FASN: variants seen among roughly 807,000 people sequenced by gnomAD.
FASN encodes 3-hydroxyacyl-[acyl-carrier-protein] dehydratase.
Under a neutral mutation model 250.0 loss-of-function variants are expected in FASN, and 50 were observed. The observed-to-expected ratio is 0.20, with a 90% CI of 0.16 to 0.25. The LOEUF is 0.25. FASN is among the 10% of genes least tolerant of loss of function. The pLI is 1.00. For missense variants in FASN, 3,031 were observed against 3,498.5 expected, an observed-to-expected ratio of 0.87 and a Z score of 3.37; for synonymous variants, 1,909 against 1,584.0, an observed-to-expected ratio of 1.21 and a Z score of -4.87.
At position 82,087,838 on chromosome 17, in the gene FASN, G is replaced by C. The variant is rs201124833; in HGVS notation, c.2890C>G (p.Pro964Ala). Residue 964 changes from proline (P) to alanine (A), a missense_variant, in exon 19 of 43, where the codon CCT becomes GCT. Pro to Ala is a conservative substitution (Grantham distance 27). Coordinates refer to ENST00000306749, the MANE Select transcript of FASN (RefSeq NM_004104.5). ...VSGKVYQWDD[P>A]DPRLFDHPES... is the part of the protein sequence containing the mutation. ...GGGTGGTCGAAGAGCCTGGGGTCAG[G>C]GTCATCCCACTGGTACACCTTCCCT... is the stretch of plus-strand genomic sequence containing the variant. 1.2e-6 allele frequency: 2 copies of C among 1,612,664 alleles called. No homozygotes were observed. Among genetic ancestry groups the C allele is most frequent in the East Asian group, 4.5e-5 (2 of 44,874 alleles).
chr17:82,079,450 G>A lies in FASN; in HGVS notation c.7305C>T (p.Pro2435=). ...TCACGTTGCCATGGTACTTGGCCTTGGGTGTGTACTGCTCAGCGGCACGCA... is the reference window on the plus strand; with the variant it reads ...TCACGTTGCCATGGTACTTGGCCTTAGGTGTGTACTGCTCAGCGGCACGCA... ...YKLRAAEQYT[P]KAKYHGNVML... Residue 2435 remains proline, a synonymous_variant, in exon 42 of 43, where the codon CCC becomes CCT. Coordinates refer to ENST00000306749, the MANE Select transcript of FASN (RefSeq NM_004104.5). 1 of 1,613,006 alleles carries A rather than the reference G, an allele frequency of 6.2e-7. No homozygotes were observed.
rs1411622557 is a variant in FASN at position 82,088,371 on chromosome 17, C to G, written c.2593+19G>C. 7 of 1,611,674 alleles carry G rather than the reference C, an allele frequency of 4.3e-6. No homozygotes were observed. In the South Asian group the frequency reaches 7.7e-5, roughly 18 times the overall value. Reference sequence around the variant, plus strand: ...TGTGGGGAGGGAAGAGTCTGCCCACCCGCCGGGCCCCTGCTCACCGATGTT... The same window carrying G: ...TGTGGGGAGGGAAGAGTCTGCCCACGCGCCGGGCCCCTGCTCACCGATGTT... On this transcript the variant is annotated intron_variant, in intron 16 of 42. Coordinates refer to ENST00000306749, the MANE Select transcript of FASN (RefSeq NM_004104.5).
At chr17:82,086,218 C>A (rs931295790) in intron 22 of FASN, 36 bp downstream of exon 22, 3 of 1,538,918 alleles carry the variant, frequency 1.9e-6, no homozygotes, top group South Asian at 1.2e-5. Flanking sequence ...CCTACCATGT[C>A]CGGGGCAGAG....
rs565758653 is a variant in FASN, at chr17:82,087,042, G to A, written c.3427+8C>T. Reference sequence around the variant, plus strand: ...AGGTGTCCGAAGCCAGCAGGGCTGGGACCTCACCCTTGCACAGTTGCAGCT... The same window carrying A: ...AGGTGTCCGAAGCCAGCAGGGCTGGAACCTCACCCTTGCACAGTTGCAGCT... On this transcript the variant is annotated splice_region_variant and intron_variant, in intron 21 of 42. Coordinates refer to ENST00000306749, the MANE Select transcript of FASN (RefSeq NM_004104.5). 321 of 1,610,722 alleles carry A rather than the reference G, an allele frequency of 2.0e-4. 2 individuals are homozygous for A. The highest frequency in any genetic ancestry group is 1.0e-3 in the South Asian group (91 of 90,902).
At position 82,093,777 on chromosome 17, in the gene FASN, A is replaced by G; in HGVS notation, c.281-6T>C. The stretch of plus-strand genomic sequence containing the variant: ...GAGTGAATCTGGGTTGATGCCTGCC[A>G]CAAACAGTGGTCAAGGTGCCACGGC... On this transcript the variant is annotated splice_polypyrimidine_tract_variant and splice_region_variant and intron_variant, in intron 3 of 42. Transcript: ENST00000306749. 1 of 1,612,278 alleles carries G rather than the reference A, an allele frequency of 6.2e-7. No homozygotes were observed. The highest frequency in any genetic ancestry group is 1.7e-5 in the Admixed American group (1 of 60,000).
chr17:82,080,002 C>G lies in FASN; in HGVS notation c.7146+138G>C, dbSNP rs567420373. ...GGATTACAGGCATGAGCAACCGCAT[C>G]CGGCCGGGATCGGCTATTAAAGGGG... On this transcript the variant is annotated intron_variant, in intron 41 of 42. Transcript: ENST00000306749. 2.4e-5 allele frequency: 23 copies of G among 972,602 alleles called. No homozygotes were observed. In the South Asian group the frequency reaches 3.2e-4, roughly 13 times the overall value. The allele number at this position is 972,602 out of a possible 1,614,324, so 60.2% of individuals were successfully genotyped here. A position where few individuals can be genotyped will look rare whatever the true frequency, so the allele number is the denominator to read the frequency against.
At position 82,085,462 on chromosome 17, in the gene FASN, C is replaced by A; in HGVS notation, c.4122+20G>T. On this transcript the variant is annotated intron_variant, in intron 23 of 42. Coordinates refer to ENST00000306749, the MANE Select transcript of FASN (RefSeq NM_004104.5). ...GCCCTCACCCGGCCCCCACCCTGTC[C>A]CCCTGCCCGGCGGCCGCACCTGGCT... is the stretch of plus-strand genomic sequence containing the variant. The A allele has an allele frequency of 6.3e-7, 1 of 1,591,612 alleles. No homozygotes were observed. The highest frequency in any genetic ancestry group is 2.3e-5 in the East Asian group (1 of 43,592).
At chr17:82,091,798 C>G (rs1313963047) in intron 8 of FASN, 114 bp from the exon 9 acceptor site, 12 of 949,420 alleles carry the variant, frequency 1.3e-5, no homozygotes, top group Non-Finnish European at 1.9e-5. Flanking sequence ...AGGGCCCTCT[C>G]CGATGCACTT....
Position 82,098,167 on chromosome 17 carries a change from GAGCGCGGCGGAGCGGGAGGCTGA to G in FASN, c.-77_-55del, listed in dbSNP as rs927319236. 26 of 358,904 alleles carry G rather than the reference GAGCGCGGCGGAGCGGGAGGCTGA, an allele frequency of 7.2e-5. No homozygotes were observed. Among genetic ancestry groups the G allele is most frequent in the South Asian group, 1.3e-4 (1 of 7,548 alleles). 22.2% of individuals were successfully genotyped at this position (358,904 alleles called of 1,614,324 possible). On this transcript the variant is annotated 5_prime_UTR_variant, in exon 1 of 43. Coordinates refer to ENST00000306749, the MANE Select transcript of FASN (RefSeq NM_004104.5). ...GTGCGGGCGGCGGAGAGCGAGGCTG[GAGCGCGGCGGAGCGGGAGGCTGA>G]AGCGCGGCGGAGAGGGAGGCCGGGG...
rs753779526 is a variant in FASN, at chr17:82,088,105, G to T, written c.2785+11C>A. 9.3e-6 allele frequency: 15 copies of T among 1,612,636 alleles called. No individual in the cohort carries two copies. The highest frequency in any genetic ancestry group is 1.1e-5 in the Non-Finnish European group (13 of 1,179,970). On this transcript the variant is annotated intron_variant, in intron 17 of 42. Coordinates refer to ENST00000306749, the MANE Select transcript of FASN (RefSeq NM_004104.5). ...CAGCTACCCCCGCCTTGGTCCTGGG[G>T]TACCCCTCACCAGTCTTGGGCAGGA...
At chr17:82,097,343 G>C (rs2034320869) in intron 1 of FASN, 1 of 152,584 alleles carries the variant, frequency 6.6e-6, no homozygotes, top group South Asian at 2.1e-4. Flanking sequence ...CCTCCAGCAT[G>C]AGGGCTGGTG....
At chr17:82,086,659 G>A (rs564427437) in intron 21 of FASN, 101 bp from the exon 22 acceptor site, 69 of 879,918 alleles carry the variant, frequency 7.8e-5, no homozygotes, top group African/African-American at 6.3e-4. Context: ...CCACCACCCC[G>A]CTCTGCCCAC....
At chr17:82,097,941 G>A (rs1254376510) in intron 1 of FASN, among the ~76,000 whole-genome samples, 180 bp downstream of exon 1, 1 of 152,014 alleles carries the variant, frequency 6.6e-6, no homozygotes, top group East Asian at 1.9e-4. Context: ...GCGGGGCCCC[G>A]GGCGCCTCCG....
At chr17:82,090,299 G>A (rs1568114257) in intron 11 of FASN, 76 bp downstream of exon 11, 11 of 1,433,982 alleles carry the variant, frequency 7.7e-6, no homozygotes, top group Non-Finnish European at 9.5e-6. Context: ...CCAGGCCAGG[G>A]CTGCAGGTGA....
At position 82,083,776 on chromosome 17, in the gene FASN, C is replaced by T. The variant is rs2144786235; in HGVS notation, c.5214G>A (p.Gly1738=). ...FEQHVLWHTG[G]KGVDLVLNSL... ...GGGGCTGTGGGGGCCACTCACCCTT[C>T]CCGCCCGTGTGCCACAGCACATGCT... The change falls in exon 30 of 43, where the codon GGG becomes GGA. Residue 1738 remains glycine, a synonymous_variant. Coordinates refer to ENST00000306749, the MANE Select transcript of FASN (RefSeq NM_004104.5). The T allele has an allele frequency of 1.9e-6, 3 of 1,611,724 alleles. No individual in the cohort carries two copies. The highest frequency in any genetic ancestry group is 2.5e-6 in the Non-Finnish European group (3 of 1,179,746).
At position 82,096,362 on chromosome 17, in the gene FASN, G is replaced by A. The variant is rs775907097; in HGVS notation, c.84C>T (p.Gly28=). 5.6e-6 allele frequency: 9 copies of A among 1,612,998 alleles called. No homozygotes were observed. Among genetic ancestry groups the A allele is most frequent in the African/African-American group, 2.7e-5 (2 of 75,060 alleles). Residue 28 remains glycine (G), a synonymous_variant, in exon 2 of 43, where the codon GGC becomes GGT. Transcript: ENST00000306749. Reference sequence around the variant, plus strand: ...CATCGTCCGTGACCATGTCCACACCGCCGATGAGGTTGTCCCAGAACTCCT... The same window carrying A: ...CATCGTCCGTGACCATGTCCACACCACCGATGAGGTTGTCCCAGAACTCCT... ...NLQEFWDNLI[G]GVDMVTDDDR...
At chr17:82,092,627 T>G in intron 7 of FASN, 38 bp from the exon 8 acceptor site, 1 of 1,337,650 alleles carries the variant, frequency 7.5e-7, no homozygotes, top group Admixed American at 2.0e-5. Flanking sequence ...TCTGGCCAGG[T>G]CACCTCTCCA....
Position 82,083,957 on chromosome 17 carries a change from C to T in FASN, c.5098+18G>A. 6.5e-7 allele frequency: 1 copy of T among 1,543,884 alleles called. No homozygotes were observed. Among genetic ancestry groups the T allele is most frequent in the Non-Finnish European group, 8.7e-7 (1 of 1,146,420 alleles). On this transcript the variant is annotated intron_variant, in intron 29 of 42. Coordinates refer to ENST00000306749, the MANE Select transcript of FASN (RefSeq NM_004104.5). ...GGGGCCAGGAGGGCAGCGGGAGGCA[C>T]CGGGGGCGGGGCCTTACCCACGGTG...
rs150748779 is a variant in FASN, at chr17:82,082,054, C to T, written c.6118G>A (p.Ala2040Thr). Residue 2040 changes from alanine to threonine, a missense_variant, in exon 36 of 43, where the codon GCC (alanine) becomes ACC (threonine). Physicochemically the swap from Ala to Thr is moderately conservative, Grantham distance 58. Coordinates refer to ENST00000306749, the MANE Select transcript of FASN (RefSeq NM_004104.5). ...GQSNYGFANS[A>T]MERICEKRRH... ...CGTTTCTCACAGATACGCTCCATGG[C>T]GGAATTGGCAAAGCCGTAGTTGCTC... 8.1e-6 allele frequency: 13 copies of T among 1,610,390 alleles called. No individual in the cohort carries two copies. In the South Asian group the frequency reaches 9.9e-5, roughly 12 times the overall value.
Sources: gnomAD v4.1 joint callset for allele counts (sites outside exome capture counted in the v4.1 genomes callset) on GRCh38, gnomAD v4.1.1 for gene constraint, MANE v1.5 for transcripts, NCBI Gene and HGNC (gene_info 2026-07-23, HGNC 2026-07-21) for gene names.